The following HSPG2 variants were observed in gnomAD, a reference collection of about 807,000 sequenced individuals.
HSPG2 encodes heparan sulfate proteoglycan 2, also known as basement membrane-specific heparan sulfate proteoglycan core protein.
HSPG2 carries 278 observed loss-of-function variants against 526.6 expected under a neutral mutation model. That is an observed-to-expected ratio of 0.53 (90% CI 0.48 to 0.58). The LOEUF (loss-of-function observed/expected upper bound fraction) is 0.58, where lower values mean the gene tolerates loss of function less well. Ranked by LOEUF, HSPG2 falls within the 20% of genes least tolerant of loss-of-function variation. HSPG2 has a pLI of 0.00. For synonymous variants in HSPG2, 2,465 were observed against 2,555.4 expected (o/e 0.96, Z 1.07); for missense variants, 5,354 against 6,099.5 (o/e 0.88, Z 4.07).
At chr1:21,889,731 T>C in intron 6 of HSPG2, 2 of 556,576 alleles carry the variant, frequency 3.6e-6, no homozygotes, top group Non-Finnish European at 6.5e-6. Context: ...AAAGGCCTGA[T>C]TACCTATTGT....
At position 21,869,849 on chromosome 1, in the gene HSPG2, G is replaced by A. The variant is rs187092384; in HGVS notation, c.4221+2337C>T. ...TCTTGTTCCTCCTGAGCTAGGCGGGGATATCCCGGGATGGGTTTGGCTGCC... is the reference window on the plus strand; with the variant it reads ...TCTTGTTCCTCCTGAGCTAGGCGGGAATATCCCGGGATGGGTTTGGCTGCC... On this transcript the variant is annotated intron_variant, in intron 33 of 96. Coordinates refer to ENST00000374695, the MANE Select transcript of HSPG2 (RefSeq NM_005529.7). 6.9e-3 allele frequency among the ~76,000 whole-genome samples: 1,053 copies of A among 152,348 alleles called. 8 individuals carry two copies. The highest frequency in any genetic ancestry group is 0.012 in the Non-Finnish European group (843 of 68,024).
At position 21,872,544 on chromosome 1, in the gene HSPG2, G is replaced by A; in HGVS notation, c.4029+76C>T. 6.6e-7 allele frequency: 1 copy of A among 1,525,330 alleles called. No homozygotes were observed. The highest frequency in any genetic ancestry group is 2.4e-5 in the East Asian group (1 of 41,036). 94.5% of individuals were successfully genotyped at this position (1,525,330 alleles called of 1,614,324 possible). On this transcript the variant is annotated intron_variant, in intron 32 of 96. Transcript: ENST00000374695. This position sits in a 1 kb window ranked among gnomAD's most constrained non-coding sequence, Gnocchi z 5.5. ...TACTGAGGCGGGGATGAGGGTCGCTGGGCTCAGTGCTCAGATGGACAGTAA... is the reference window on the plus strand; with the variant it reads ...TACTGAGGCGGGGATGAGGGTCGCTAGGCTCAGTGCTCAGATGGACAGTAA...
chr1:21,830,095 G>C lies in HSPG2; in HGVS notation c.11672-4C>G. 6.3e-7 allele frequency: 1 copy of C among 1,589,622 alleles called. No individual in the cohort carries two copies. Among genetic ancestry groups the C allele is most frequent in the Non-Finnish European group, 8.6e-7 (1 of 1,169,506 alleles). ...GTGGCGTCGGGCCCACAGGCCTCTGGGGGGCACATAGGCCAGTGAAAAGAC... is the reference window on the plus strand; with the variant it reads ...GTGGCGTCGGGCCCACAGGCCTCTGCGGGGCACATAGGCCAGTGAAAAGAC... On this transcript the variant is annotated splice_region_variant and splice_polypyrimidine_tract_variant and intron_variant, in intron 85 of 96. Coordinates refer to ENST00000374695, the MANE Select transcript of HSPG2 (RefSeq NM_005529.7).
chr1:21,886,596 C>G (rs1309212928), intron 9 of HSPG2, among the ~76,000 whole-genome samples: 2 of 152,178 alleles, frequency 1.3e-5, no homozygotes, highest in Non-Finnish European at 2.9e-5. Flanking sequence ...GCCTCCCCCT[C>G]CTATTTAACT....
intron 57 of HSPG2, among the ~76,000 whole-genome samples, chr1:21,849,551 T>G (rs1035223235): frequency 6.6e-6 from 1 of 152,190 alleles, no homozygotes; most frequent in East Asian, 1.9e-4. Flanking sequence ...TGGAAGCTTT[T>G]TCTTAGAGGT....
intron 33 of HSPG2, chr1:21,869,583 G>C (rs1038742354): frequency 1.2e-5 from 12 of 986,154 alleles, no homozygotes; most frequent in Non-Finnish European, 1.4e-5. Flanking sequence ...AGAGCCCCTG[G>C]GGAGGGGGTT....
At position 21,840,166 on chromosome 1, in the gene HSPG2, T is replaced by G; in HGVS notation, c.9514-149A>C. 4.4e-6 allele frequency: 3 copies of G among 687,964 alleles called. No individual in the cohort carries two copies. In the South Asian group the frequency reaches 5.2e-5, roughly 12 times the overall value. The allele number at this position is 687,964 out of a possible 1,614,324, so 42.6% of individuals were successfully genotyped here. On this transcript the variant is annotated intron_variant, in intron 71 of 96. Transcript: ENST00000374695. Reference sequence around the variant, plus strand: ...TATATATTTATTTTTTGAGACAGGGTCTTACTCTGTCGCACAGGTTGGAGT... The same window carrying G: ...TATATATTTATTTTTTGAGACAGGGGCTTACTCTGTCGCACAGGTTGGAGT...
chr1:21,833,596 G>A lies in HSPG2; in HGVS notation c.10849C>T (p.Pro3617Ser), dbSNP rs778915105. The change falls in exon 79 of 97, where the codon CCT (proline) becomes TCT (serine). Residue 3617 changes from proline (P) to serine (S), a missense_variant. By Grantham distance (74) the Pro-to-Ser change is moderately conservative. Transcript: ENST00000374695. ...ATGTTGTTCTCCAGGCGGCTGTCAG[G>A]TGGCAGGCTGCCATCCAGCTGCAAA... is the stretch of plus-strand genomic sequence containing the variant. ...SWSKLDGSLP[P>S]DSRLENNMLM... 3 of 1,614,100 alleles carry A rather than the reference G, an allele frequency of 1.9e-6. No homozygotes were observed. The highest frequency in any genetic ancestry group is 2.2e-5 in the South Asian group (2 of 91,080).
At chr1:21,842,618 C>T in intron 67 of HSPG2, 152 bp downstream of exon 67, 1 of 1,074,216 alleles carries the variant, frequency 9.3e-7, no homozygotes, top group South Asian at 1.5e-5. Flanking sequence ...CCCAGGTCTC[C>T]TGATTTGCAG....
rs1355152309 is a variant in HSPG2 at position 21,852,132 on chromosome 1, C to A, written c.6826G>T (p.Val2276Phe). 2 of 1,613,742 alleles carry A rather than the reference C, an allele frequency of 1.2e-6. No homozygotes were observed. Among genetic ancestry groups the A allele is most frequent in the Admixed American group, 1.7e-5 (1 of 60,010 alleles). Residue 2276 changes from valine to phenylalanine, a missense_variant, in exon 53 of 97, where the codon GTC becomes TTC. Physicochemically the swap from Val to Phe is conservative, Grantham distance 50. Coordinates refer to ENST00000374695, the MANE Select transcript of HSPG2 (RefSeq NM_005529.7). ...CVVAGQAHAQ[V>F]TWYKRGGSLP... ...CTGCCCCCACGCTTGTACCATGTGA[C>A]CTGGGCGTGGGCCTGCCCTGCCACC...
At chr1:21,846,054 C>CTCTG (rs1638405403) in intron 64 of HSPG2, 54 bp downstream of exon 64, 1 of 1,600,578 alleles carries the variant, frequency 6.2e-7, no homozygotes, top group Non-Finnish European at 8.5e-7. Context: ...GCCCCCTGGT[C>CTCTG]TCTGTCCCTT....
rs1208571955 is a variant in HSPG2 at position 21,881,374 on chromosome 1, A to G, written c.1783T>C (p.Phe595Leu). 9.9e-6 allele frequency: 16 copies of G among 1,614,088 alleles called. No individual in the cohort carries two copies. Among genetic ancestry groups the G allele is most frequent in the Non-Finnish European group, 1.4e-5 (16 of 1,180,048 alleles). ...LSRRFLVHDS[F>L]WALPEQFLGN... is the part of the protein sequence containing the mutation. ...AGGAACTGTTCAGGCAGAGCCCAGA[A>G]GGAGTCGTGGACGAGGAAGCGGCGG... Residue 595 changes from phenylalanine to leucine, a missense_variant, in exon 14 of 97, where the codon TTC (phenylalanine) becomes CTC (leucine). By Grantham distance (22) the Phe-to-Leu change is conservative (BLOSUM62 0). Transcript: ENST00000374695.
chr1:21,877,112 C>T (rs1489344832), intron 21 of HSPG2, among the ~76,000 whole-genome samples: 6 of 151,440 alleles, frequency 4.0e-5, no homozygotes, highest in South Asian at 2.1e-4. Context: ...ATGTATGAGG[C>T]GTCATTGCCA....
intron 1 of HSPG2, among the ~76,000 whole-genome samples, chr1:21,906,375 C>T (rs929049161): frequency 1.3e-5 from 2 of 152,200 alleles, no homozygotes; most frequent in Admixed American, 6.5e-5. Flanking sequence ...CCGTGGGCAT[C>T]GGCAACAGGA....
intron 1 of HSPG2, among the ~76,000 whole-genome samples, chr1:21,928,389 T>C (rs568262765): frequency 1.3e-5 from 2 of 152,350 alleles, no homozygotes; most frequent in East Asian, 3.9e-4. Context: ...AGCCTGGGCC[T>C]TCTTGGCCTG....
At position 21,876,292 on chromosome 1, in the gene HSPG2, G is replaced by A. The variant is rs867149784; in HGVS notation, c.2940C>T (p.Ser980=). The change falls in exon 23 of 97, where the codon TCC becomes TCT. Residue 980 remains serine, a synonymous_variant. Transcript: ENST00000374695. ...AGGGTCCAGATAAGAGTCTGTGGAA[G>A]GAGGAGAATCCCAGTTCCCCGGGCG... ...SPTPGELGFS[S]FHRLLSGPYF... 1.9e-6 allele frequency: 3 copies of A among 1,613,946 alleles called. No homozygotes were observed. Among genetic ancestry groups the A allele is most frequent in the Non-Finnish European group, 2.5e-6 (3 of 1,180,006 alleles).
intron 65 of HSPG2, 22 bp from the exon 66 acceptor site, chr1:21,843,460 C>A: frequency 6.2e-7 from 1 of 1,601,872 alleles, no homozygotes; most frequent in Non-Finnish European, 8.5e-7. Flanking sequence ...GGGGTGAGAG[C>A]GGGGAGGGTG....
rs1490500271 is a variant in HSPG2, at chr1:21,824,222, C to A, written c.12816-18G>T. On this transcript the variant is annotated intron_variant, in intron 94 of 96. Coordinates refer to ENST00000374695, the MANE Select transcript of HSPG2 (RefSeq NM_005529.7). This position sits in a 1 kb window ranked among gnomAD's most constrained non-coding sequence, Gnocchi z 5.9. ...GCTGGTACCTGCAGTCATCCAGGCC[C>A]AAGAAGTATGAGCTGGGGCAGGACC... 8.7e-6 allele frequency: 14 copies of A among 1,613,670 alleles called. No individual in the cohort carries two copies. The highest frequency in any genetic ancestry group is 1.2e-5 in the Non-Finnish European group (14 of 1,179,924).
chr1:21,903,367 G>T (rs375385618), intron 1 of HSPG2, among the ~76,000 whole-genome samples: 6 of 152,226 alleles, frequency 3.9e-5, no homozygotes, highest in African/African-American at 1.4e-4. Context: ...TTGGGAGGCA[G>T]AGGCAGGCGG....
Sources: allele counts gnomAD v4.1 joint callset (sites outside exome capture counted in the v4.1 genomes callset), GRCh38; gene constraint gnomAD v4.1.1; non-coding constraint Gnocchi (gnomAD v3.1); transcripts MANE v1.5; gene names NCBI Gene and HGNC (gene_info 2026-07-23, HGNC 2026-07-21).